WNT7B: variants seen among roughly 807,000 people sequenced by gnomAD.
WNT7B encodes Wnt family member 7B.
WNT7B carries 19 observed loss-of-function variants against 38.2 expected under a neutral mutation model. That is an observed-to-expected ratio of 0.50 (90% confidence interval 0.35 to 0.73). The LOEUF (loss-of-function observed/expected upper bound fraction) is 0.73, where lower values mean the gene tolerates loss of function less well. Ranked by LOEUF, WNT7B falls within the 30% of genes least tolerant of loss-of-function variation. The pLI, the probability that WNT7B is intolerant of heterozygous loss-of-function variation, is 0.01. For missense variants in WNT7B, 423 were observed against 507.9 expected, an observed-to-expected ratio of 0.83 and a Z score of 1.61; for synonymous variants, 243 against 209.3, an observed-to-expected ratio of 1.16 and a Z score of -1.39.
At chr22:45,941,238 G>A (rs9330792) in intron 2 of WNT7B, among the ~76,000 whole-genome samples, 61,059 of 152,018 alleles carry the variant, frequency 0.4, 12,826 homozygotes, top group African/African-American at 0.53. Context: ...GGCCGGGCGC[G>A]GTGGCTCACG....
intron 3 of WNT7B, among the ~76,000 whole-genome samples, chr22:45,927,811 G>A (rs770978043): frequency 9.2e-5 from 14 of 152,320 alleles, no homozygotes; most frequent in Middle Eastern, 3.4e-3. Context: ...CAGGAGAATT[G>A]CTTGAACCCG....
chr22:45,922,235 A>AGAGGGCC lies in WNT7B; in HGVS notation c.*614_*620dup, dbSNP rs915923413. 4 of 153,006 alleles carry AGAGGGCC rather than the reference A, an allele frequency of 2.6e-5. No homozygotes were observed. The highest frequency in any genetic ancestry group is 9.6e-5 in the African/African-American group (4 of 41,476). The allele number at this position is 153,006 out of a possible 1,614,324, so 9.5% of individuals were successfully genotyped here. ...CAGGCTGCCTCAGCTCTGCAGGGGC[A>AGAGGGCC]GAGGGCCGGCCAGGTGGGGCCGGGA... is the stretch of plus-strand genomic sequence containing the variant. On this transcript the variant is annotated 3_prime_UTR_variant, in exon 4 of 4. Coordinates refer to ENST00000339464, the MANE Select transcript of WNT7B (RefSeq NM_058238.3).
chr22:45,970,734 C>A (rs556817543), intron 1 of WNT7B, among the ~76,000 whole-genome samples: 1 of 152,038 alleles, frequency 6.6e-6, no homozygotes. Flanking sequence ...GGCCTCCAAC[C>A]GCTAGACGCT....
intron 1 of WNT7B, among the ~76,000 whole-genome samples, chr22:45,967,208 C>T (rs1268382868): frequency 2.0e-5 from 3 of 152,198 alleles, no homozygotes; most frequent in Non-Finnish European, 2.9e-5. Flanking sequence ...GCGGGCGGCC[C>T]GCACCACACA....
intron 2 of WNT7B, among the ~76,000 whole-genome samples, chr22:45,938,959 C>T (rs1401816007): frequency 6.6e-6 from 1 of 152,162 alleles, no homozygotes; most frequent in Non-Finnish European, 1.5e-5. Flanking sequence ...CCTGAACAGA[C>T]ATTTGTCCAA....
intron 2 of WNT7B, among the ~76,000 whole-genome samples, chr22:45,946,558 CAA>C (rs1931801209): frequency 6.6e-6 from 1 of 152,178 alleles, no homozygotes; most frequent in African/African-American, 2.4e-5. Flanking sequence ...ACAGAAGACA[CAA>C]GAGACAAGCC....
rs1932541665 is a variant in WNT7B at position 45,976,001 on chromosome 22, C to A, written c.71+683G>T. 6.8e-6 allele frequency: 1 copy of A among 147,196 alleles called. No individual in the cohort carries two copies. Among genetic ancestry groups the A allele is most frequent in the Non-Finnish European group, 1.5e-5 (1 of 66,108 alleles). The allele number at this position is 147,196 out of a possible 1,614,324, so 9.1% of individuals were successfully genotyped here. On this transcript the variant is annotated intron_variant, in intron 1 of 3. Transcript: ENST00000339464. This position sits in a 1 kb window ranked among gnomAD's most constrained non-coding sequence, Gnocchi z 8.5. ...AGCAGCTAGCGCGGCTCGCCGGGCG[C>A]CCGCCCGCCGGGCCGCGCCAGGGGG...
chr22:45,930,684 G>C lies in WNT7B; in HGVS notation c.570+414C>G, dbSNP rs191274330. On this transcript the variant is annotated intron_variant, in intron 3 of 3. Coordinates refer to ENST00000339464, the MANE Select transcript of WNT7B (RefSeq NM_058238.3). ...CTCCTGGGGGCATCCCTTCCTTGCT[G>C]AGCAAAAAGGCTGCCTCTGCCAGGA... Among the ~76,000 whole-genome samples, 265 of 152,290 alleles carry C rather than the reference G, an allele frequency of 1.7e-3. 2 individuals are homozygous for C. The highest frequency in any genetic ancestry group is 5.5e-3 in the African/African-American group (229 of 41,568).
chr22:45,957,931 C>A (rs972967298), intron 1 of WNT7B, among the ~76,000 whole-genome samples: 11 of 152,182 alleles, frequency 7.2e-5, no homozygotes, highest in African/African-American at 2.7e-4. Context: ...CCAGCCTGTC[C>A]CCACCAGGCC....
At position 45,927,634 on chromosome 22, in the gene WNT7B, A is replaced by G. The variant is rs1259389944; in HGVS notation, c.570+3464T>C. 8.8e-6 allele frequency: 7 copies of G among 799,474 alleles called. No homozygotes were observed. In the Middle Eastern group the frequency reaches 6.8e-4, roughly 77 times the overall value. The allele number at this position is 799,474 out of a possible 1,614,324, so 49.5% of individuals were successfully genotyped here. ...AACAGGGCCAGGTGCAGTGGCTCAC[A>G]CCTGTAATCCAAGCACTTTGGGAGG... is the stretch of plus-strand genomic sequence containing the variant. On this transcript the variant is annotated intron_variant, in intron 3 of 3. Transcript: ENST00000339464.
chr22:45,929,822 T>C (rs772589500), intron 3 of WNT7B, among the ~76,000 whole-genome samples: 3 of 100,626 alleles, frequency 3.0e-5, no homozygotes, highest in Admixed American at 9.3e-5. Context: ...CCATCTATCT[T>C]CCCATGCACT....
Position 45,949,908 on chromosome 22 carries a change from A to T in WNT7B, c.298+12T>A. ...CAATGGCTGGGCCCCTTGAGCCCAGAGGCGCCCTTACCTACTCGGAGCTCT... is the reference window on the plus strand; with the variant it reads ...CAATGGCTGGGCCCCTTGAGCCCAGTGGCGCCCTTACCTACTCGGAGCTCT... On this transcript the variant is annotated intron_variant, in intron 2 of 3. Transcript: ENST00000339464. 6.2e-7 allele frequency: 1 copy of T among 1,601,488 alleles called. No homozygotes were observed. The highest frequency in any genetic ancestry group is 8.5e-7 in the Non-Finnish European group (1 of 1,170,734).
chr22:45,965,157 C>T lies in WNT7B; in HGVS notation c.71+11527G>A, dbSNP rs1392945401. 6.6e-6 allele frequency among the ~76,000 whole-genome samples: 1 copy of T among 152,182 alleles called. No individual in the cohort carries two copies. The highest frequency in any genetic ancestry group is 2.4e-5 in the African/African-American group (1 of 41,442). ...ATGCTGCCACATCCTCTTCACACCT[C>T]CAGGTCTTTGCCCACGTCTGTCCCT... On this transcript the variant is annotated intron_variant, in intron 1 of 3. Coordinates refer to ENST00000339464, the MANE Select transcript of WNT7B (RefSeq NM_058238.3). This position sits in a 1 kb window ranked among gnomAD's most constrained non-coding sequence, Gnocchi z 6.5.
At chr22:45,940,435 C>T (rs1166866483) in intron 2 of WNT7B, among the ~76,000 whole-genome samples, 1 of 152,130 alleles carries the variant, frequency 6.6e-6, no homozygotes, top group Non-Finnish European at 1.5e-5. Flanking sequence ...CCACGCTTGC[C>T]TGTGCCAGCC....
Position 45,950,012 on chromosome 22 carries a change from C to A in WNT7B, c.206G>T (p.Gly69Val). The A allele has an allele frequency of 6.2e-7, 1 of 1,614,000 alleles. No homozygotes were observed. Among genetic ancestry groups the A allele is most frequent in the Non-Finnish European group, 8.5e-7 (1 of 1,180,036 alleles). Residue 69 changes from glycine (G) to valine (V), a missense_variant, in exon 2 of 4, where the codon GGC (glycine) becomes GTC (valine). By Grantham distance (109) the Gly-to-Val change is moderately radical. Around this residue, in one of 3 missense-constraint regions of WNT7B, gnomAD observed 133 missense variants for 179.8 expected, o/e 0.74. Coordinates refer to ENST00000339464, the MANE Select transcript of WNT7B (RefSeq NM_058238.3). ...IIVIGEGAQM[G>V]INECQYQFRF... ...GAACTGGTACTGGCACTCGTTGATG[C>A]CCATCTGCGCCCCCTCCCCAATCAC...
At chr22:45,958,759 C>T (rs1439752877) in intron 1 of WNT7B, among the ~76,000 whole-genome samples, 2 of 152,178 alleles carry the variant, frequency 1.3e-5, no homozygotes, top group Non-Finnish European at 2.9e-5. Flanking sequence ...GGGACATACC[C>T]CATTCCTGAC....
chr22:45,975,913 A>T lies in WNT7B; in HGVS notation c.71+771T>A, dbSNP rs1000338612. 5 of 177,998 alleles carry T rather than the reference A, an allele frequency of 2.8e-5. No individual in the cohort carries two copies. Among genetic ancestry groups the T allele is most frequent in the Non-Finnish European group, 4.7e-5 (4 of 85,740 alleles). The allele number at this position is 177,998 out of a possible 1,614,324, so 11.0% of individuals were successfully genotyped here. Reference sequence around the variant, plus strand: ...TCTGTCTAAAGGAGATCGCGGCTCAACAGGTAAGGACTCGGCTGGGTTCAG... The same window carrying T: ...TCTGTCTAAAGGAGATCGCGGCTCATCAGGTAAGGACTCGGCTGGGTTCAG... On this transcript the variant is annotated intron_variant, in intron 1 of 3. Transcript: ENST00000339464. This position sits in a 1 kb window ranked among gnomAD's most constrained non-coding sequence, Gnocchi z 6.6.
chr22:45,930,592 T>C (rs940075926), intron 3 of WNT7B, among the ~76,000 whole-genome samples: 4 of 152,182 alleles, frequency 2.6e-5, no homozygotes, highest in Non-Finnish European at 4.4e-5. Context: ...TCCCGCCCCA[T>C]GCAGGAGCGG....
At chr22:45,972,334 G>A (rs1182060149) in intron 1 of WNT7B, 2 of 416,630 alleles carry the variant, frequency 4.8e-6, no homozygotes, top group Admixed American at 4.6e-5. Flanking sequence ...CCGATGCAGG[G>A]CGGCGGCGCT....
Sources: gnomAD v4.1 joint callset for allele counts (sites outside exome capture counted in the v4.1 genomes callset) on GRCh38, gnomAD v4.1.1 for gene constraint, gnomAD v4.1.1 regional missense constraint, Gnocchi (gnomAD v3.1) non-coding constraint, MANE v1.5 for transcripts, NCBI Gene and HGNC (gene_info 2026-07-23, HGNC 2026-07-21) for gene names.